FHIP1A: variants seen among roughly 807,000 people sequenced by gnomAD.
FHIP1A encodes the protein FHF complex subunit HOOK-interacting protein 1A.
In FHIP1A, 61 loss-of-function variants were observed where a neutral mutation model predicts 88.6. The ratio of observed to expected loss-of-function variants is 0.69; its 90% CI spans 0.56 to 0.85. FHIP1A has a LOEUF of 0.85. FHIP1A is among the 40% of genes least tolerant of loss of function. The pLI, the probability that FHIP1A is intolerant of heterozygous loss-of-function variation, is 0.00. For synonymous variants in FHIP1A, 478 were observed against 496.0 expected, an observed-to-expected ratio of 0.96 and a Z score of 0.48; for missense variants, 1,154 against 1,273.5, an observed-to-expected ratio of 0.91 and a Z score of 1.43.
At chr4:151,485,376 T>A (rs1730046941) in intron 3 of FHIP1A, among the ~76,000 whole-genome samples, 1 of 151,236 alleles carries the variant, frequency 6.6e-6, no homozygotes, top group South Asian at 2.1e-4. Context: ...TCCATTTCAT[T>A]TTTAACATCA....
At chr4:151,449,559 T>A (rs1290724950) in intron 1 of FHIP1A, among the ~76,000 whole-genome samples, 1 of 152,116 alleles carries the variant, frequency 6.6e-6, no homozygotes, top group Non-Finnish European at 1.5e-5. Flanking sequence ...CTCTCCTAAC[T>A]ATTTTGTAAT....
At chr4:151,459,246 A>G (rs553348668) in intron 2 of FHIP1A, among the ~76,000 whole-genome samples, 1 of 152,320 alleles carries the variant, frequency 6.6e-6, no homozygotes, top group South Asian at 2.1e-4. Context: ...TGTTCCTGAA[A>G]AAAAGTGAAT....
Position 151,665,348 on chromosome 4 carries a change from C to T in FHIP1A, c.*2594C>T, listed in dbSNP as rs1737622510. On this transcript the variant is annotated 3_prime_UTR_variant, in exon 14 of 14. Coordinates refer to ENST00000435205, the MANE Select transcript of FHIP1A (RefSeq NM_001109977.3). ...AGTGACAGGCAGGAGAATGTAACTT[C>T]CCATGCTGGGGTGCTGGCAGCAAAC... Among the ~76,000 whole-genome samples the T allele has an allele frequency of 6.6e-6, 1 of 152,188 alleles. No homozygotes were observed. The highest frequency in any genetic ancestry group is 2.1e-4 in the South Asian group (1 of 4,824).
chr4:151,575,991 A>G (rs148369856), intron 4 of FHIP1A, among the ~76,000 whole-genome samples: 26 of 152,344 alleles, frequency 1.7e-4, no homozygotes, highest in African/African-American at 5.8e-4. Context: ...ACAAAGATAA[A>G]GTCATTGATA....
intron 7 of FHIP1A, among the ~76,000 whole-genome samples, chr4:151,602,421 C>T (rs1277594979): frequency 6.6e-6 from 1 of 152,262 alleles, no homozygotes; most frequent in Non-Finnish European, 1.5e-5. Flanking sequence ...ACTCTGTCAT[C>T]TCCATGGAGT....
intron 7 of FHIP1A, among the ~76,000 whole-genome samples, chr4:151,604,255 G>C (rs1734983304): frequency 6.6e-6 from 1 of 151,952 alleles, no homozygotes; most frequent in African/African-American, 2.4e-5. Flanking sequence ...GCAGCTCTCG[G>C]TGCCCATGTT....
intron 3 of FHIP1A, among the ~76,000 whole-genome samples, chr4:151,513,858 A>G: frequency 6.6e-6 from 1 of 150,898 alleles, no homozygotes; most frequent in East Asian, 1.9e-4. Context: ...ATAATGGGAG[A>G]CTTTAACACC....
chr4:151,451,685 A>G (rs1266859131), intron 1 of FHIP1A, among the ~76,000 whole-genome samples: 1 of 152,240 alleles, frequency 6.6e-6, no homozygotes. Context: ...TGAAATTAGC[A>G]GGGGACACAT....
chr4:151,489,841 C>G (rs1730219635), intron 3 of FHIP1A, among the ~76,000 whole-genome samples: 2 of 152,108 alleles, frequency 1.3e-5, no homozygotes, highest in African/African-American at 2.4e-5. Context: ...TGAGTTCAGA[C>G]CCGCCTAACC....
At chr4:151,608,877 TTAG>T (rs1312158395) in intron 7 of FHIP1A, among the ~76,000 whole-genome samples, 1 of 152,190 alleles carries the variant, frequency 6.6e-6, no homozygotes, top group Admixed American at 6.5e-5. Context: ...AACTTAAGAC[TTAG>T]TAGTAGTATC....
chr4:151,584,260 A>T (rs1463745189), intron 5 of FHIP1A, among the ~76,000 whole-genome samples: 1 of 152,248 alleles, frequency 6.6e-6, no homozygotes, highest in East Asian at 1.9e-4. Context: ...TGGACAAATC[A>T]TCCATACCTC....
chr4:151,630,923 C>T (rs903417702), intron 8 of FHIP1A, among the ~76,000 whole-genome samples: 1 of 152,064 alleles, frequency 6.6e-6, no homozygotes, highest in Non-Finnish European at 1.5e-5. Context: ...AAGAAGAAAT[C>T]ACAAGGAAAA....
chr4:151,509,683 A>G (rs1158584830), intron 3 of FHIP1A, among the ~76,000 whole-genome samples: 1 of 152,052 alleles, frequency 6.6e-6, no homozygotes, highest in Non-Finnish European at 1.5e-5. Context: ...ACTGCACCTC[A>G]GACGCCTCCT....
intron 1 of FHIP1A, among the ~76,000 whole-genome samples, chr4:151,416,572 G>T (rs2709810): frequency 0.35 from 53,405 of 151,898 alleles, 9,990 homozygotes; most frequent in Non-Finnish European, 0.43. Context: ...TTAAAAGTAT[G>T]ATCTTCTTCA....
intron 9 of FHIP1A, among the ~76,000 whole-genome samples, chr4:151,641,150 G>GATA (rs953989928): frequency 2.0e-5 from 3 of 151,882 alleles, no homozygotes; most frequent in African/African-American, 4.8e-5. Flanking sequence ...GGATGATAGT[G>GATA]ATAATAATAA....
chr4:151,550,366 A>G (rs1185753354), intron 3 of FHIP1A, among the ~76,000 whole-genome samples: 1 of 151,928 alleles, frequency 6.6e-6, no homozygotes, highest in African/African-American at 2.4e-5. Context: ...AGCCATCCGC[A>G]CCTCCCCCCG....
At chr4:151,551,448 A>G (rs1732728257) in intron 3 of FHIP1A, among the ~76,000 whole-genome samples, 1 of 152,238 alleles carries the variant, frequency 6.6e-6, no homozygotes. Context: ...ATAAGGCTAC[A>G]GTAACCAAAA....
intron 3 of FHIP1A, among the ~76,000 whole-genome samples, chr4:151,530,564 T>G (rs1580674435): frequency 3.3e-5 from 5 of 152,330 alleles, no homozygotes. Context: ...GGAATTCTGT[T>G]TGGGCTTCTC....
chr4:151,436,858 CT>C (rs1202087566), intron 1 of FHIP1A, among the ~76,000 whole-genome samples: 1 of 152,086 alleles, frequency 6.6e-6, no homozygotes, highest in East Asian at 1.9e-4. Context: ...GTTCAAGCCC[CT>C]GATATAAAAT....
Sources: allele counts gnomAD v4.1 joint callset (sites outside exome capture counted in the v4.1 genomes callset), GRCh38; gene constraint gnomAD v4.1.1; transcripts MANE v1.5; gene names NCBI Gene and HGNC (gene_info 2026-07-23, HGNC 2026-07-21).